Variants in ARB2A observed in about 807,000 individuals in gnomAD.
The protein encoded by ARB2A is ARB2 cotranscriptional regulator A, also known as cotranscriptional regulator ARB2A.
chr5:93,712,623 T>C, the ARB2A span, among the ~76,000 whole-genome samples: 2 of 151,950 alleles, frequency 1.3e-5, no homozygotes. Context: ...TATGCAAAAA[T>C]CAATTTTAAT....
chr5:93,663,988 C>T, the ARB2A span, among the ~76,000 whole-genome samples: 1 of 152,184 alleles, frequency 6.6e-6, no homozygotes, highest in Admixed American at 6.5e-5. Context: ...GGAACGCTTT[C>T]CAAAGGGTTC....
the ARB2A span, among the ~76,000 whole-genome samples, chr5:93,982,389 GA>G: frequency 6.6e-6 from 1 of 152,106 alleles, no homozygotes; most frequent in Admixed American, 6.5e-5. Flanking sequence ...CCTATCTGCA[GA>G]AAGTAAAAGC....
At chr5:93,856,551 G>A in the ARB2A span, among the ~76,000 whole-genome samples, 1 of 152,036 alleles carries the variant, frequency 6.6e-6, no homozygotes, top group African/African-American at 2.4e-5. Flanking sequence ...ATCACTGATA[G>A]CCTTTCTTCC....
At chr5:93,684,306 A>G in the ARB2A span, among the ~76,000 whole-genome samples, 2 of 152,186 alleles carry the variant, frequency 1.3e-5, no homozygotes, top group African/African-American at 4.8e-5. Flanking sequence ...CTCTAAATCT[A>G]TTCCCTCACT....
the ARB2A span, among the ~76,000 whole-genome samples, chr5:93,873,273 C>A: frequency 7.7e-6 from 1 of 130,162 alleles, no homozygotes; most frequent in Admixed American, 8.4e-5. Flanking sequence ...GCCTGCGTGA[C>A]AGAGTAAGAC....
chr5:93,718,700 A>G, the ARB2A span, among the ~76,000 whole-genome samples: 1 of 152,202 alleles, frequency 6.6e-6, no homozygotes, highest in East Asian at 1.9e-4. Context: ...AACAACAACA[A>G]CAACAACGTC....
chr5:93,855,138 G>T, the ARB2A span, among the ~76,000 whole-genome samples: 70 of 152,192 alleles, frequency 4.6e-4, 1 homozygote, highest in African/African-American at 1.5e-3. Flanking sequence ...GAATCTGGGT[G>T]CTCCTGTATT....
At chr5:94,103,457 T>C in the ARB2A span, among the ~76,000 whole-genome samples, 3 of 151,954 alleles carry the variant, frequency 2.0e-5, no homozygotes, top group Non-Finnish European at 2.9e-5. Context: ...CAATTCAACA[T>C]GAAAACTTTA....
At chr5:94,102,222 G>C in the ARB2A span, among the ~76,000 whole-genome samples, 6 of 151,926 alleles carry the variant, frequency 3.9e-5, no homozygotes, top group Non-Finnish European at 7.4e-5. Context: ...GGATGGCAAG[G>C]AGAATCATCA....
At chr5:94,086,659 TCTC>T in the ARB2A span, among the ~76,000 whole-genome samples, 13 of 152,160 alleles carry the variant, frequency 8.5e-5, no homozygotes, top group Non-Finnish European at 1.9e-4. Context: ...TTCAAGCGAT[TCTC>T]CTGCCTCAGA....
chr5:93,625,097 T>C, the ARB2A span, among the ~76,000 whole-genome samples: 1 of 152,206 alleles, frequency 6.6e-6, no homozygotes, highest in Non-Finnish European at 1.5e-5. Flanking sequence ...TCTGTAGCTG[T>C]CAAATTCATG....
chr5:93,901,988 G>A, the ARB2A span, among the ~76,000 whole-genome samples: 4 of 151,900 alleles, frequency 2.6e-5, no homozygotes, highest in Non-Finnish European at 5.9e-5. Context: ...TGTGAACCTA[G>A]AACATATCTA....
chr5:94,097,945 T>C, the ARB2A span, among the ~76,000 whole-genome samples: 6 of 151,464 alleles, frequency 4.0e-5, no homozygotes, highest in African/African-American at 1.5e-4. Flanking sequence ...TCCATGAGTG[T>C]TGCTACCAGT....
chr5:93,666,775 C>A, the ARB2A span, among the ~76,000 whole-genome samples: 43 of 152,176 alleles, frequency 2.8e-4, no homozygotes, highest in Non-Finnish European at 5.9e-4. Flanking sequence ...TTCCGGATTT[C>A]TTTTAAGTTT....
chr5:93,705,641 GTGTGTGTGTGTA>G, the ARB2A span, among the ~76,000 whole-genome samples: 16 of 145,812 alleles, frequency 1.1e-4, no homozygotes, highest in South Asian at 2.1e-4. Context: ...GTGTGTGTGT[GTGTGTGTGTGTA>G]TATATATATA....
the ARB2A span, among the ~76,000 whole-genome samples, chr5:94,028,866 C>G: frequency 6.6e-6 from 1 of 152,132 alleles, no homozygotes; most frequent in Non-Finnish European, 1.5e-5. Context: ...CTCTACATAA[C>G]CATAATACCG....
At chr5:93,889,452 C>G in the ARB2A span, among the ~76,000 whole-genome samples, 1 of 151,614 alleles carries the variant, frequency 6.6e-6, no homozygotes, top group African/African-American at 2.4e-5. Context: ...TCTTCTCATA[C>G]TTCTTCTGCT....
At chr5:93,759,853 C>G in the ARB2A span, among the ~76,000 whole-genome samples, 34 of 152,148 alleles carry the variant, frequency 2.2e-4, 1 homozygote, top group Non-Finnish European at 4.4e-5. Flanking sequence ...AGGATGTCCA[C>G]TCTCATGACT....
chr5:94,038,307 C>A, the ARB2A span, among the ~76,000 whole-genome samples: 2 of 151,942 alleles, frequency 1.3e-5, no homozygotes, highest in Admixed American at 6.6e-5. Context: ...AACATTATTT[C>A]TTGGCATTCA....
Sources: gnomAD v4.1 joint callset for allele counts (sites outside exome capture counted in the v4.1 genomes callset) on GRCh38, gnomAD v4.1.1 for gene constraint, MANE v1.5 for transcripts, NCBI Gene and HGNC (gene_info 2026-07-23, HGNC 2026-07-21) for gene names.